NRK: variants seen among roughly 807,000 people sequenced by gnomAD.
NRK encodes Nik related kinase, also known as nik-related protein kinase.
A neutral mutation model predicts 125.2 loss-of-function variants in NRK; 67 were observed. The observed-to-expected ratio is 0.54, with a 90% CI of 0.44 to 0.66. The LOEUF (loss-of-function observed/expected upper bound fraction) is 0.66, where lower values mean the gene tolerates loss of function less well. NRK is among the 30% of genes least tolerant of loss of function. NRK has a pLI of 0.00. For missense variants in NRK, 1,224 were observed against 1,192.9 expected (o/e 1.03, Z -0.38); for synonymous variants, 458 against 429.0 (o/e 1.07, Z -0.84).
At chrX:105,920,995 G>C (rs1374684838) in intron 16 of NRK, among the ~76,000 whole-genome samples, 1 of 92,750 alleles carries the variant, frequency 1.1e-5, no homozygotes, top group Non-Finnish European at 2.2e-5. Context: ...ATACCCAAAG[G>C]ACTATAAATC....
rs371521568 is a variant in NRK, at chrX:105,924,748, G to A, written c.3029G>A (p.Arg1010His). ...AAGCAAGATGGTTATGATGGAAGTCGTGGAAAAGAGGAAGCCTACAGAGGC... is the reference window on the plus strand; with the variant it reads ...AAGCAAGATGGTTATGATGGAAGTCATGGAAAAGAGGAAGCCTACAGAGGC... ...SCKQDGYDGS[R>H]GKEEAYRGYG... Residue 1010 changes from arginine (R) to histidine (H), a missense_variant, in exon 19 of 29, where the codon CGT becomes CAT. Coordinates refer to ENST00000243300, the MANE Select transcript of NRK (RefSeq NM_198465.4). 2.9e-5 allele frequency: 35 copies of A among 1,202,223 alleles called. No homozygotes were observed. In the East Asian group the frequency reaches 4.5e-4, roughly 15 times the overall value.
Position 105,827,168 on chromosome X carries a change from A to G in NRK, c.58-3886A>G, listed in dbSNP as rs911987457. The stretch of plus-strand genomic sequence containing the variant: ...AATTGTGAAGCCCATTCCTCTGACT[A>G]TCTCTGAAACTCACTCAGGCACTCA... On this transcript the variant is annotated intron_variant, in intron 1 of 28. Coordinates refer to ENST00000243300, the MANE Select transcript of NRK (RefSeq NM_198465.4). Among the ~76,000 whole-genome samples the G allele has an allele frequency of 5.4e-5, 6 of 111,614 alleles. No homozygotes were observed. In the East Asian group the frequency reaches 1.1e-3, roughly 21 times the overall value.
At chrX:105,896,947 CTG>C (rs1205714543) in intron 7 of NRK, among the ~76,000 whole-genome samples, 6 of 112,824 alleles carry the variant, frequency 5.3e-5, no homozygotes, top group Non-Finnish European at 1.9e-5. Context: ...AGGCTAAACA[CTG>C]TGTTCGCATA....
intron 1 of NRK, among the ~76,000 whole-genome samples, chrX:105,824,792 G>A (rs777780500): frequency 2.7e-5 from 3 of 110,907 alleles, no homozygotes; most frequent in Admixed American, 9.7e-5. Context: ...TGTGAGGAGC[G>A]TAGAAAGATA....
At position 105,834,143 on chromosome X, in the gene NRK, T is replaced by C. The variant is rs749857471; in HGVS notation, c.123+3024T>C. On this transcript the variant is annotated intron_variant, in intron 2 of 28. Transcript: ENST00000243300. ...TACAACTTAAGCCTGAAAAACTTCCTCTAATATTTCTTATAGTCCAAGGCT... is the reference window on the plus strand; with the variant it reads ...TACAACTTAAGCCTGAAAAACTTCCCCTAATATTTCTTATAGTCCAAGGCT... Among the ~76,000 whole-genome samples, 22 of 111,684 alleles carry C rather than the reference T, an allele frequency of 2.0e-4. No individual in the cohort carries two copies. In the South Asian group the frequency reaches 8.2e-3, roughly 41 times the overall value.
intron 1 of NRK, among the ~76,000 whole-genome samples, chrX:105,830,061 C>T (rs1213267590): frequency 3.7e-5 from 4 of 109,126 alleles, no homozygotes; most frequent in Non-Finnish European, 5.7e-5. Context: ...AGAATAACAT[C>T]GGCTGGGCGC....
intron 11 of NRK, chrX:105,907,448 G>A (rs2040235067): frequency 1.8e-5 from 2 of 111,570 alleles, no homozygotes; most frequent in African/African-American, 6.5e-5. Flanking sequence ...ATTGTAGTGG[G>A]GCTTGTTGTA....
At chrX:105,857,621 A>G (rs993213649) in intron 2 of NRK, among the ~76,000 whole-genome samples, 2 of 110,852 alleles carry the variant, frequency 1.8e-5, no homozygotes, top group African/African-American at 3.3e-5. Context: ...TTTTGCAGTC[A>G]GATCTTGATT....
At chrX:105,952,580 T>G (rs2040914218) in intron 27 of NRK, among the ~76,000 whole-genome samples, 1 of 112,054 alleles carries the variant, frequency 8.9e-6, no homozygotes, top group Non-Finnish European at 1.9e-5. Context: ...GAGCAAGTCA[T>G]TTTTTAACTA....
At chrX:105,912,037 G>A (rs1436245023) in intron 13 of NRK, among the ~76,000 whole-genome samples, 1 of 111,404 alleles carries the variant, frequency 9.0e-6, no homozygotes, top group African/African-American at 3.3e-5. Flanking sequence ...AGATCTTCAT[G>A]ATACCTGAAA....
At chrX:105,869,608 T>C (rs1466677859) in intron 2 of NRK, among the ~76,000 whole-genome samples, 3 of 111,802 alleles carry the variant, frequency 2.7e-5, no homozygotes, top group Non-Finnish European at 5.7e-5. Context: ...ATAAAGACTT[T>C]TTAAAAAATG....
At chrX:105,859,905 T>A (rs1207673611) in intron 2 of NRK, among the ~76,000 whole-genome samples, 1 of 111,704 alleles carries the variant, frequency 9.0e-6, no homozygotes, top group African/African-American at 3.3e-5. Context: ...ATAAAACCAG[T>A]CAATGGTAAT....
chrX:105,952,985 G>A (rs2040920163), intron 27 of NRK, 49 bp from the exon 28 acceptor site: 2 of 1,016,872 alleles, frequency 2.0e-6, no homozygotes, highest in Non-Finnish European at 2.6e-6. Context: ...TTTCTATGAT[G>A]GCCAGAAAGA....
At chrX:105,871,303 A>G (rs2039744101) in intron 2 of NRK, among the ~76,000 whole-genome samples, 1 of 111,333 alleles carries the variant, frequency 9.0e-6, no homozygotes, top group Admixed American at 9.5e-5. Flanking sequence ...CCTAGGGTCA[A>G]TGAAAATACC....
At chrX:105,822,053 A>C (rs1335319767), upstream of NRK, among the ~76,000 whole-genome samples, 2 of 112,308 alleles carry the variant, frequency 1.8e-5, no homozygotes, top group Non-Finnish European at 3.8e-5. Context: ...TCCTTCTGTA[A>C]CTCGGTAGGT....
At chrX:105,895,604 T>G (rs780855894) in intron 7 of NRK, 81 bp downstream of exon 7, 416 of 638,657 alleles carry the variant, frequency 6.5e-4, no homozygotes, top group Non-Finnish European at 8.9e-4. Flanking sequence ...CTTTCTATCA[T>G]GTCCCTGCCA....
intron 19 of NRK, among the ~76,000 whole-genome samples, chrX:105,930,199 A>G (rs901589168): frequency 9.0e-6 from 1 of 111,538 alleles, no homozygotes; most frequent in Admixed American, 9.5e-5. Flanking sequence ...TGGAACCCCC[A>G]TAATTCAAAA....
At chrX:105,945,370 C>T (rs1202518390) in intron 24 of NRK, among the ~76,000 whole-genome samples, 2 of 112,106 alleles carry the variant, frequency 1.8e-5, no homozygotes, top group African/African-American at 6.5e-5. Flanking sequence ...GGGAACACAT[C>T]ACATGTATAC....
chrX:105,837,374 TC>T (rs1316607729), intron 2 of NRK, among the ~76,000 whole-genome samples: 1 of 110,248 alleles, frequency 9.1e-6, no homozygotes, highest in African/African-American at 3.3e-5. Flanking sequence ...ACTCATAGAG[TC>T]CTTTGCTTTT....
Sources: allele counts gnomAD v4.1 joint callset (sites outside exome capture counted in the v4.1 genomes callset), GRCh38; gene constraint gnomAD v4.1.1; transcripts MANE v1.5; gene names NCBI Gene and HGNC (gene_info 2026-07-23, HGNC 2026-07-21).